The following SLC41A3 variants were observed in gnomAD, a reference collection of about 807,000 sequenced individuals.
SLC41A3 encodes solute carrier family 41 member 3.
A neutral mutation model predicts 45.4 loss-of-function variants in SLC41A3; 44 were observed. The observed-to-expected ratio is 0.97, with a 90% CI of 0.76 to 1.25. SLC41A3 has a LOEUF of 1.25. SLC41A3 is among the 50% of genes most tolerant of loss of function. SLC41A3 has a pLI of 0.00. For missense variants in SLC41A3, 550 were observed against 600.6 expected (o/e 0.92, Z 0.88); for synonymous variants, 256 against 252.4 (o/e 1.01, Z -0.13).
intron 2 of SLC41A3, among the ~76,000 whole-genome samples, chr3:126,064,847 C>T (rs4493383): frequency 0.66 from 99,740 of 152,156 alleles, 32,945 homozygotes; most frequent in Middle Eastern, 0.72. Context: ...GCCTGCTCCA[C>T]GCATTCCAGT....
intron 3 of SLC41A3, among the ~76,000 whole-genome samples, chr3:126,046,961 C>CAAAAAAAA (rs36095026): frequency 1.2e-5 from 1 of 81,230 alleles, no homozygotes; most frequent in African/African-American, 4.5e-5. Context: ...AACTCCATCT[C>CAAAAAAAA]AAAAAAAAAA....
chr3:126,054,128 C>A (rs1943513588), intron 2 of SLC41A3, among the ~76,000 whole-genome samples: 3 of 152,130 alleles, frequency 2.0e-5, no homozygotes, highest in African/African-American at 7.2e-5. Context: ...CAAATATGAC[C>A]CCATCACTCA....
chr3:126,066,717 C>T (rs1944364374), intron 2 of SLC41A3, among the ~76,000 whole-genome samples: 1 of 152,172 alleles, frequency 6.6e-6, no homozygotes, highest in South Asian at 2.1e-4. Flanking sequence ...TGCATAGCTT[C>T]AGTAAAAGAT....
chr3:126,068,110 T>A lies in SLC41A3; in HGVS notation c.110A>T (p.Asp37Val). The A allele has an allele frequency of 4.3e-6, 7 of 1,613,414 alleles. No homozygotes were observed. Among genetic ancestry groups the A allele is most frequent in the Non-Finnish European group, 5.9e-6 (7 of 1,179,826 alleles). The change falls in exon 2 of 11, where the codon GAT becomes GTT. Residue 37 changes from aspartate (D) to valine (V), a missense_variant. Asp to Val is a radical substitution (Grantham distance 152). Coordinates refer to ENST00000360370, the MANE Select transcript of SLC41A3 (RefSeq NM_017836.4). ...GCTCTCAGGGGCCCTGAGAGCTCCATCTTCTGAGGCTACAGGGAGTCCTCC... is the reference window on the plus strand; with the variant it reads ...GCTCTCAGGGGCCCTGAGAGCTCCAACTTCTGAGGCTACAGGGAGTCCTCC... ...STGGLPVASE[D>V]GALRAPESQS...
At chr3:126,019,228 TC>T (rs1282885563) in intron 6 of SLC41A3, among the ~76,000 whole-genome samples, 5 of 152,108 alleles carry the variant, frequency 3.3e-5, no homozygotes, top group African/African-American at 1.2e-4. Flanking sequence ...AAGCCACCAG[TC>T]CCACTCCCAT....
intron 1 of SLC41A3, among the ~76,000 whole-genome samples, chr3:126,071,746 T>C (rs991746524): frequency 6.6e-6 from 1 of 151,540 alleles, no homozygotes; most frequent in African/African-American, 2.4e-5. Context: ...ATTTAGGAAA[T>C]TTATAAATAT....
chr3:126,046,356 TAC>T (rs66615933), intron 3 of SLC41A3, among the ~76,000 whole-genome samples: 51,482 of 150,548 alleles, frequency 0.34, 9,381 homozygotes, highest in East Asian at 0.46. Context: ...CTCTAAAGAT[TAC>T]ACACACACAC....
chr3:126,075,708 G>A lies in SLC41A3; in HGVS notation c.-27-7462C>T, dbSNP rs772781315. On this transcript the variant is annotated intron_variant, in intron 1 of 10. Coordinates refer to ENST00000360370, the MANE Select transcript of SLC41A3 (RefSeq NM_017836.4). ...TATGGCCAATGGATTTCTGACAAAGGTATAAAAACCATTGGATGGGGAAAG... is the reference window on the plus strand; with the variant it reads ...TATGGCCAATGGATTTCTGACAAAGATATAAAAACCATTGGATGGGGAAAG... Among the ~76,000 whole-genome samples, 49 of 152,260 alleles carry A rather than the reference G, an allele frequency of 3.2e-4. No homozygotes were observed. In the Middle Eastern group the frequency reaches 0.01, roughly 32 times the overall value.
chr3:126,031,590 CTGA>C (rs1456886530), intron 4 of SLC41A3, among the ~76,000 whole-genome samples: 1 of 152,164 alleles, frequency 6.6e-6, no homozygotes, highest in East Asian at 1.9e-4. Flanking sequence ...TATTGCACTG[CTGA>C]TGATTCAGAG....
Position 126,033,658 on chromosome 3 carries a change from A to G in SLC41A3, c.402T>C (p.Asp134=). Residue 134 remains aspartate (D), a synonymous_variant, in exon 4 of 11, where the codon GAT becomes GAC. Transcript: ENST00000360370. ...LSTAANTGQI[D]DPQEQHRVIS... ...TGACTCTGTGCTGCTCCTGGGGGTC[A>G]TCAATTTGTCCAGTGTTGGCCTAGA... 1 of 1,613,080 alleles carries G rather than the reference A, an allele frequency of 6.2e-7. No homozygotes were observed. Among genetic ancestry groups the G allele is most frequent in the Non-Finnish European group, 8.5e-7 (1 of 1,179,846 alleles).
At chr3:126,035,432 C>T (rs565739028) in intron 3 of SLC41A3, among the ~76,000 whole-genome samples, 3 of 152,248 alleles carry the variant, frequency 2.0e-5, no homozygotes, top group South Asian at 2.1e-4. Flanking sequence ...ACAGGAGCTG[C>T]GGGTTTGGGT....
intron 1 of SLC41A3, chr3:126,095,467 A>T: frequency 2.2e-6 from 1 of 459,512 alleles, no homozygotes; most frequent in Non-Finnish European, 3.9e-6. Flanking sequence ...TACGATAGTG[A>T]TGATCACCAT....
chr3:126,059,311 G>A (rs9714340), intron 2 of SLC41A3, among the ~76,000 whole-genome samples: 12,984 of 77,638 alleles, frequency 0.17, 1,954 homozygotes, highest in Non-Finnish European at 0.19. Context: ...AGAAAGAAAG[G>A]AAGGATGATC....
chr3:126,056,545 A>G, intron 2 of SLC41A3: 1 of 1,613,638 alleles, frequency 6.2e-7, no homozygotes, highest in Non-Finnish European at 8.5e-7. Context: ...CAGCTGGGTG[A>G]CCACCATGGC....
At position 126,055,528 on chromosome 3, in the gene SLC41A3, C is replaced by T. The variant is rs181630280; in HGVS notation, c.274-4478G>A. 9.2e-5 allele frequency among the ~76,000 whole-genome samples: 14 copies of T among 152,162 alleles called. No homozygotes were observed. The East Asian group carries it at 2.7e-3, about 29-fold the overall frequency. Reference sequence around the variant, plus strand: ...GACTCTGTCTCAAAAAAACAAAAAGCAAAACTGCATACTATAAACCATATA... The same window carrying T: ...GACTCTGTCTCAAAAAAACAAAAAGTAAAACTGCATACTATAAACCATATA... On this transcript the variant is annotated intron_variant, in intron 2 of 10. Coordinates refer to ENST00000360370, the MANE Select transcript of SLC41A3 (RefSeq NM_017836.4).
chr3:126,024,163 C>A (rs1309936050), intron 5 of SLC41A3: 2 of 152,236 alleles, frequency 1.3e-5, no homozygotes, highest in African/African-American at 4.8e-5. Flanking sequence ...GGTGAGGTAA[C>A]CGCAATGCTT....
chr3:126,022,883 G>A lies in SLC41A3; in HGVS notation c.648C>T (p.Asn216=). 6.2e-7 allele frequency: 1 copy of A among 1,614,204 alleles called. No individual in the cohort carries two copies. Among genetic ancestry groups the A allele is most frequent in the East Asian group, 2.2e-5 (1 of 44,878 alleles). Residue 216 remains asparagine (N), a synonymous_variant, in exon 6 of 11, where the codon AAC becomes AAT. Coordinates refer to ENST00000360370, the MANE Select transcript of SLC41A3 (RefSeq NM_017836.4). The part of the protein sequence containing the change: ...IVIGARKLGV[N]PDNIATPIAA... The stretch of plus-strand genomic sequence containing the variant: ...CAATGGGCGTGGCAATGTTGTCTGG[G>A]TTGACCCCGAGCTTTCGAGCACCAA...
chr3:126,039,651 A>G (rs988362315), intron 3 of SLC41A3, among the ~76,000 whole-genome samples: 1 of 152,188 alleles, frequency 6.6e-6, no homozygotes, highest in African/African-American at 2.4e-5. Flanking sequence ...TCTTGCCCAC[A>G]CTCAAGGGGA....
intron 2 of SLC41A3, among the ~76,000 whole-genome samples, chr3:126,059,375 T>C (rs1381064201): frequency 1.3e-5 from 2 of 151,282 alleles, no homozygotes; most frequent in African/African-American, 4.9e-5. Flanking sequence ...CAGAGCAGAC[T>C]CGGCCACACG....
Sources: allele counts gnomAD v4.1 joint callset (sites outside exome capture counted in the v4.1 genomes callset), GRCh38; gene constraint gnomAD v4.1.1; transcripts MANE v1.5; gene names NCBI Gene and HGNC (gene_info 2026-07-23, HGNC 2026-07-21).